SCAF8: variants seen among roughly 807,000 people sequenced by gnomAD.
The protein encoded by SCAF8 is SR-related and CTD-associated factor 8.
A neutral mutation model predicts 140.5 loss-of-function variants in SCAF8; 23 were observed. The observed-to-expected ratio is 0.16, with a 90% CI of 0.12 to 0.23. The LOEUF is 0.23. Ranked by LOEUF, SCAF8 falls within the 10% of genes least tolerant of loss-of-function variation. The pLI is 1.00. For synonymous variants in SCAF8, 575 were observed against 528.9 expected (o/e 1.09, Z -1.20); for missense variants, 1,397 against 1,555.7 (o/e 0.90, Z 1.72).
At chr6:154,805,309 T>C in intron 8 of SCAF8, 60 bp from the exon 9 acceptor site, 1 of 967,380 alleles carries the variant, frequency 1.0e-6, no homozygotes, top group Non-Finnish European at 1.6e-6. Context: ...GAATACTCAG[T>C]TATTTTCATA....
chr6:154,798,487 TAA>T lies in SCAF8; in HGVS notation c.606+3349_606+3350del, dbSNP rs942462213. ...TTCCATTTGCTCATACCCAAAAGCT[TAA>T]GAGTCATCCTTGATTCCTTTCTTCC... On this transcript the variant is annotated intron_variant, in intron 6 of 19. Transcript: ENST00000367178. Among the ~76,000 whole-genome samples, 2 of 151,438 alleles carry T rather than the reference TAA, an allele frequency of 1.3e-5. 1 individual carries two copies. Among genetic ancestry groups the T allele is most frequent in the Non-Finnish European group, 3.0e-5 (2 of 67,730 alleles).
At chr6:154,829,129 T>C (rs1583073370) in intron 18 of SCAF8, among the ~76,000 whole-genome samples, 1 of 152,134 alleles carries the variant, frequency 6.6e-6, no homozygotes, top group Non-Finnish European at 1.5e-5. Context: ...CATGTACCCC[T>C]GAACATAAAA....
intron 14 of SCAF8, 58 bp downstream of exon 14, chr6:154,818,650 T>C (rs568987044): frequency 7.8e-6 from 6 of 770,446 alleles, no homozygotes; most frequent in Middle Eastern, 2.4e-4. Context: ...ATGTCTGTTA[T>C]GTTAAAGTCT....
chr6:154,735,575 A>G (rs111801893), intron 1 of SCAF8, among the ~76,000 whole-genome samples: 1,418 of 141,476 alleles, frequency 0.01, 15 homozygotes, highest in African/African-American at 0.036. Context: ...CTGGAGTGTC[A>G]CCATCTCAGC....
intron 3 of SCAF8, among the ~76,000 whole-genome samples, chr6:154,783,295 TATC>T (rs1027196539): frequency 3.3e-5 from 5 of 152,224 alleles, no homozygotes; most frequent in Non-Finnish European, 5.9e-5. Context: ...GATCGAATAT[TATC>T]ATTCAGAACT....
At chr6:154,826,125 C>T (rs952751209) in intron 17 of SCAF8, among the ~76,000 whole-genome samples, 1 of 151,888 alleles carries the variant, frequency 6.6e-6, no homozygotes, top group Non-Finnish European at 1.5e-5. Context: ...TGTAAGTGTT[C>T]TAAATTACAG....
chr6:154,789,529 A>C (rs1301999225), intron 4 of SCAF8, among the ~76,000 whole-genome samples: 1 of 151,626 alleles, frequency 6.6e-6, no homozygotes, highest in Non-Finnish European at 1.5e-5. Flanking sequence ...CTGTGCAGGC[A>C]AAAGAATGCT....
chr6:154,745,612 G>A (rs1778678745), intron 1 of SCAF8, among the ~76,000 whole-genome samples: 1 of 151,826 alleles, frequency 6.6e-6, no homozygotes, highest in South Asian at 2.1e-4. Flanking sequence ...TTATCTGCAG[G>A]GTTTCCCTAC....
At chr6:154,749,332 G>C (rs568665227) in intron 1 of SCAF8, among the ~76,000 whole-genome samples, 69 of 152,228 alleles carry the variant, frequency 4.5e-4, no homozygotes, top group Middle Eastern at 3.4e-3. Flanking sequence ...TACAATAATA[G>C]CCTATGAAGG....
chr6:154,808,311 C>T (rs1054320497), intron 10 of SCAF8, 110 bp downstream of exon 10: 50 of 1,115,844 alleles, frequency 4.5e-5, no homozygotes, highest in Non-Finnish European at 6.3e-5. Context: ...ACTTAAGCTC[C>T]ACTTTGTAAT....
At chr6:154,817,406 G>A (rs1440719748) in intron 13 of SCAF8, among the ~76,000 whole-genome samples, 3 of 152,192 alleles carry the variant, frequency 2.0e-5, no homozygotes, top group Admixed American at 6.5e-5. Context: ...TGTTTTGAGA[G>A]CATAGTACTT....
chr6:154,786,218 T>C (rs1777254109), intron 3 of SCAF8, among the ~76,000 whole-genome samples: 1 of 152,026 alleles, frequency 6.6e-6, no homozygotes, highest in Non-Finnish European at 1.5e-5. Flanking sequence ...GTTGGTCAGG[T>C]TGGAGATGGA....
chr6:154,775,871 T>C (rs1031087088), intron 2 of SCAF8, among the ~76,000 whole-genome samples: 19 of 152,160 alleles, frequency 1.2e-4, no homozygotes, highest in Non-Finnish European at 2.2e-4. Flanking sequence ...AGTTGCAAAT[T>C]ATTATGGTGA....
chr6:154,818,485 C>G lies in SCAF8; in HGVS notation c.1528C>G (p.Pro510Ala). The change falls in exon 14 of 20, where the codon CCT (proline) becomes GCT (alanine). Residue 510 changes from proline (P) to alanine (A), a missense_variant. This residue lies in a region of SCAF8 where 59 missense variants were observed against 110.7 expected (regional missense o/e 0.53). Coordinates refer to ENST00000367178, the MANE Select transcript of SCAF8 (RefSeq NM_014892.5). ...FGQIESINMI[P>A]PRGCAYVCMV... ...AAACAATTTTTTTTATTAGATGATT[C>G]CTCCCCGGGGCTGTGCTTATGTCTG... 1 of 1,562,032 alleles carries G rather than the reference C, an allele frequency of 6.4e-7. No individual in the cohort carries two copies. The highest frequency in any genetic ancestry group is 8.7e-7 in the Non-Finnish European group (1 of 1,154,510).
chr6:154,776,421 A>G (rs935328778), intron 2 of SCAF8, among the ~76,000 whole-genome samples: 8 of 152,142 alleles, frequency 5.3e-5, no homozygotes, highest in Admixed American at 1.3e-4. Context: ...GATGGTTAAC[A>G]TTGCATTGTC....
At chr6:154,816,938 T>C (rs1018863872) in intron 13 of SCAF8, among the ~76,000 whole-genome samples, 2 of 152,234 alleles carry the variant, frequency 1.3e-5, no homozygotes, top group African/African-American at 4.8e-5. Flanking sequence ...ACACAGGTGA[T>C]AAAAAGATGA....
At chr6:154,801,829 C>CA (rs1777779165) in intron 6 of SCAF8, 142 bp from the exon 7 acceptor site, 3 of 526,920 alleles carry the variant, frequency 5.7e-6, no homozygotes, top group Non-Finnish European at 9.9e-6. Context: ...AGAAAAACTT[C>CA]AAAAAATTAA....
At chr6:154,816,179 T>G (rs1778242876) in intron 13 of SCAF8, among the ~76,000 whole-genome samples, 1 of 152,214 alleles carries the variant, frequency 6.6e-6, no homozygotes, top group African/African-American at 2.4e-5. Context: ...TGTAGTCACT[T>G]GCACATGACC....
chr6:154,734,539 T>C (rs1214153936), intron 1 of SCAF8, among the ~76,000 whole-genome samples: 2 of 152,202 alleles, frequency 1.3e-5, no homozygotes, highest in Non-Finnish European at 2.9e-5. Flanking sequence ...CTCGCTCCTC[T>C]TCTAATCCAT....
Sources: gnomAD v4.1 joint callset for allele counts (sites outside exome capture counted in the v4.1 genomes callset) on GRCh38, gnomAD v4.1.1 for gene constraint, gnomAD v4.1.1 regional missense constraint, MANE v1.5 for transcripts, NCBI Gene and HGNC (gene_info 2026-07-23, HGNC 2026-07-21) for gene names.